The following FAAH2 variants were observed in gnomAD, a reference collection of about 807,000 sequenced individuals.
The protein encoded by FAAH2 is fatty acid amide hydrolase 2, also known as fatty-acid amide hydrolase 2.
FAAH2 carries 60 observed loss-of-function variants against 36.9 expected under a neutral mutation model. The ratio of observed to expected loss-of-function variants is 1.63; its 90% CI spans 1.32 to 2.02. The LOEUF is 2.02. Ranked by LOEUF, FAAH2 falls within the 30% of genes most tolerant of loss-of-function variation. The probability of loss-of-function intolerance (pLI) is 0.00; values close to 1 mark genes in which losing one functional copy is unlikely to be tolerated. For missense variants in FAAH2, 689 were observed against 397.5 expected (o/e 1.73, Z -6.23); for synonymous variants, 214 against 143.8 (o/e 1.49, Z -3.49).
intron 2 of FAAH2, among the ~76,000 whole-genome samples, chrX:57,296,968 T>G (rs2052182703): frequency 9.1e-6 from 1 of 109,616 alleles, no homozygotes; most frequent in South Asian, 3.9e-4. Context: ...ACACCAAATC[T>G]ATGTCTGATT....
the FAAH2 span, among the ~76,000 whole-genome samples, chrX:57,163,337 A>T: frequency 8.9e-6 from 1 of 112,078 alleles, no homozygotes; most frequent in African/African-American, 3.2e-5. Context: ...CTGCCCCCAG[A>T]GGTGGAGCCT....
the FAAH2 span, among the ~76,000 whole-genome samples, chrX:57,167,800 G>A: frequency 2.4e-3 from 270 of 111,227 alleles, 1 homozygote; most frequent in African/African-American, 8.3e-3. Flanking sequence ...AGTGGTAGGA[G>A]CATTTACCTA....
chrX:57,296,797 C>T (rs1397241987), intron 2 of FAAH2, among the ~76,000 whole-genome samples: 1 of 111,855 alleles, frequency 8.9e-6, no homozygotes, highest in African/African-American at 3.3e-5. Flanking sequence ...ACCAGAACTA[C>T]ATGATGAATG....
intron 7 of FAAH2, among the ~76,000 whole-genome samples, chrX:57,425,800 A>C (rs1039173107): frequency 9.0e-6 from 1 of 111,527 alleles, no homozygotes; most frequent in Non-Finnish European, 1.9e-5. Flanking sequence ...ATACGAAAAA[A>C]CTAGATAACA....
the FAAH2 span, among the ~76,000 whole-genome samples, chrX:57,193,216 G>T: frequency 9.0e-6 from 1 of 111,587 alleles, no homozygotes; most frequent in Non-Finnish European, 1.9e-5. Flanking sequence ...GCCCCCTTGG[G>T]TGTGGCCATC....
chrX:57,376,872 A>C (rs2054694896), intron 5 of FAAH2, among the ~76,000 whole-genome samples: 1 of 112,109 alleles, frequency 8.9e-6, no homozygotes, highest in Non-Finnish European at 1.9e-5. Context: ...ATGGTATCTC[A>C]TTGTGGTTTT....
At chrX:57,163,671 C>G in the FAAH2 span, among the ~76,000 whole-genome samples, 1 of 112,452 alleles carries the variant, frequency 8.9e-6, no homozygotes, top group Non-Finnish European at 1.9e-5. Context: ...AGGGAACTCC[C>G]TGACCCCTTG....
chrX:57,428,711 G>C (rs904058247), intron 7 of FAAH2, among the ~76,000 whole-genome samples: 1 of 111,897 alleles, frequency 8.9e-6, no homozygotes, highest in Non-Finnish European at 1.9e-5. Context: ...ATATGGACCT[G>C]TATCTCTCAC....
the FAAH2 span, among the ~76,000 whole-genome samples, chrX:57,158,022 C>T: frequency 1.8e-5 from 2 of 110,404 alleles, no homozygotes; most frequent in African/African-American, 3.3e-5. Context: ...CAACAGGCCC[C>T]GGTGTGTGAT....
At chrX:57,485,228 AGGCCTCCCTACTCTCTCCC>A (rs2147289728) in intron 10 of FAAH2, among the ~76,000 whole-genome samples, 1 of 111,985 alleles carries the variant, frequency 8.9e-6, no homozygotes, top group South Asian at 3.7e-4. Flanking sequence ...GGTAGGTGCC[AGGCCTCCCTACTCTCTCCC>A]TGGCCCAGAG....
the FAAH2 span, among the ~76,000 whole-genome samples, chrX:57,232,261 G>T: frequency 9.1e-6 from 1 of 109,456 alleles, no homozygotes; most frequent in South Asian, 3.8e-4. Flanking sequence ...AGATCATGAA[G>T]ATTCCTGCAA....
At chrX:57,189,462 G>T in the FAAH2 span, among the ~76,000 whole-genome samples, 1 of 109,449 alleles carries the variant, frequency 9.1e-6, no homozygotes, top group Non-Finnish European at 1.9e-5. Flanking sequence ...TGGAGAAGAG[G>T]CATTCTGGTT....
chrX:57,196,468 C>A, the FAAH2 span, among the ~76,000 whole-genome samples: 2 of 111,207 alleles, frequency 1.8e-5, no homozygotes, highest in Admixed American at 1.9e-4. Flanking sequence ...CTGGATGAGT[C>A]TTTAGGGTTT....
At chrX:57,452,112 T>A in intron 10 of FAAH2, 1 of 741,137 alleles carries the variant, frequency 1.3e-6, no homozygotes, top group Admixed American at 8.6e-5. Context: ...ACTGGCTTTC[T>A]CCCCTCTCCC....
At chrX:57,257,979 A>T in the FAAH2 span, among the ~76,000 whole-genome samples, 1 of 111,918 alleles carries the variant, frequency 8.9e-6, no homozygotes, top group Non-Finnish European at 1.9e-5. Flanking sequence ...TTAAACCTCA[A>T]TTATCTGTCT....
chrX:57,197,642 G>A, the FAAH2 span, among the ~76,000 whole-genome samples: 1 of 110,603 alleles, frequency 9.0e-6, no homozygotes, highest in Non-Finnish European at 1.9e-5. Flanking sequence ...AGTTGTTATT[G>A]CTCTTCTTTA....
intron 7 of FAAH2, among the ~76,000 whole-genome samples, chrX:57,404,941 C>T (rs1028501609): frequency 9.0e-6 from 1 of 111,588 alleles, no homozygotes; most frequent in Non-Finnish European, 1.9e-5. Flanking sequence ...CCCTCAGCTT[C>T]CCCAGAAAAA....
At chrX:57,347,842 A>T (rs1161050079) in intron 5 of FAAH2, among the ~76,000 whole-genome samples, 1 of 109,364 alleles carries the variant, frequency 9.1e-6, no homozygotes, top group African/African-American at 3.4e-5. Context: ...TATACTGGCA[A>T]AAAATTTTTT....
At chrX:57,165,154 T>A in the FAAH2 span, among the ~76,000 whole-genome samples, 1 of 112,342 alleles carries the variant, frequency 8.9e-6, no homozygotes, top group Non-Finnish European at 1.9e-5. Flanking sequence ...GATCTAGAAC[T>A]GGAAATACCA....
Sources: gnomAD v4.1 joint callset for allele counts (sites outside exome capture counted in the v4.1 genomes callset) on GRCh38, gnomAD v4.1.1 for gene constraint, MANE v1.5 for transcripts, NCBI Gene and HGNC (gene_info 2026-07-23, HGNC 2026-07-21) for gene names.